Variants in LRRK2 observed in about 807,000 individuals in gnomAD.
LRRK2 encodes leucine-rich repeat serine/threonine-protein kinase 2.
In LRRK2, 203 loss-of-function variants were observed where a neutral mutation model predicts 302.6. That is an observed-to-expected ratio of 0.67 (90% confidence interval 0.60 to 0.75). The LOEUF (loss-of-function observed/expected upper bound fraction) is 0.75. LRRK2 is among the 30% of genes least tolerant of loss of function. The pLI is 0.00. For missense variants in LRRK2, 2,830 were observed against 2,951.0 expected (o/e 0.96, Z 0.95); for synonymous variants, 1,066 against 1,031.9 (o/e 1.03, Z -0.63).
chr12:40,241,830 A>T (rs1278474244), intron 6 of LRRK2, among the ~76,000 whole-genome samples: 1 of 152,130 alleles, frequency 6.6e-6, no homozygotes, highest in Non-Finnish European at 1.5e-5. Flanking sequence ...TTTTTTGGTG[A>T]TGTTTATAAA....
At chr12:40,231,602 A>G (rs892252059) in intron 2 of LRRK2, among the ~76,000 whole-genome samples, 6 of 148,722 alleles carry the variant, frequency 4.0e-5, no homozygotes, top group African/African-American at 1.5e-4. Context: ...ACAAGAAAAA[A>G]AAAGTACTAA....
At chr12:40,300,788 T>C (rs1317962830) in intron 25 of LRRK2, 1 of 471,016 alleles carries the variant, frequency 2.1e-6, no homozygotes, top group African/African-American at 2.0e-5. Context: ...TGTAATTTTA[T>C]ATTGTGGTGC....
chr12:40,297,530 T>C (rs1944428791), intron 23 of LRRK2, among the ~76,000 whole-genome samples: 1 of 152,176 alleles, frequency 6.6e-6, no homozygotes, highest in Non-Finnish European at 1.5e-5. Flanking sequence ...CTTCTGGGGC[T>C]AAGAGTGGTT....
chr12:40,244,765 G>A (rs1394418882), intron 7 of LRRK2, among the ~76,000 whole-genome samples: 1 of 149,822 alleles, frequency 6.7e-6, no homozygotes, highest in Non-Finnish European at 1.5e-5. Context: ...GATAGCATTG[G>A]GAGATATACC....
At chr12:40,284,261 A>T in intron 19 of LRRK2, 128 bp downstream of exon 19, 1 of 522,190 alleles carries the variant, frequency 1.9e-6, no homozygotes, top group Non-Finnish European at 3.1e-6. Context: ...AAAGGTTTGG[A>T]TTTTTTTTTT....
chr12:40,327,036 A>G (rs978711146), intron 38 of LRRK2, among the ~76,000 whole-genome samples: 2 of 152,232 alleles, frequency 1.3e-5, no homozygotes, highest in African/African-American at 4.8e-5. Context: ...GAAAATTACT[A>G]TATTTCCTTA....
At chr12:40,295,691 T>C in intron 23 of LRRK2, 47 bp downstream of exon 23, 2 of 1,543,148 alleles carry the variant, frequency 1.3e-6, no homozygotes, top group Non-Finnish European at 1.8e-6. Flanking sequence ...TGAAGAGCTT[T>C]TGTATTTATA....
intron 12 of LRRK2, among the ~76,000 whole-genome samples, chr12:40,258,075 G>A (rs897077049): frequency 2.6e-5 from 4 of 152,112 alleles, no homozygotes; most frequent in Admixed American, 6.6e-5. Flanking sequence ...AAAACTTCAC[G>A]TTCCTCATTG....
At chr12:40,293,102 G>A (rs1332458641) in intron 20 of LRRK2, among the ~76,000 whole-genome samples, 6 of 151,246 alleles carry the variant, frequency 4.0e-5, no homozygotes, top group Non-Finnish European at 4.4e-5. Flanking sequence ...CTATTCCAGC[G>A]GTCTCCATAA....
At chr12:40,253,724 A>G (rs904223973) in intron 11 of LRRK2, among the ~76,000 whole-genome samples, 2 of 152,132 alleles carry the variant, frequency 1.3e-5, no homozygotes, top group African/African-American at 2.4e-5. Context: ...GCTTGCCTGT[A>G]TTCTGTTTTA....
At chr12:40,289,527 A>G (rs970892948) in intron 20 of LRRK2, among the ~76,000 whole-genome samples, 1 of 149,000 alleles carries the variant, frequency 6.7e-6, no homozygotes, top group African/African-American at 2.4e-5. Context: ...GTAATCTATA[A>G]TATATAATTA....
intron 40 of LRRK2, among the ~76,000 whole-genome samples, chr12:40,339,875 A>G (rs1361844683): frequency 6.6e-6 from 1 of 152,236 alleles, no homozygotes; most frequent in Admixed American, 6.5e-5. Context: ...AATCAAAACT[A>G]TTAAATAAAT....
intron 20 of LRRK2, among the ~76,000 whole-genome samples, chr12:40,288,676 C>A (rs972436125): frequency 7.2e-5 from 11 of 151,742 alleles, no homozygotes; most frequent in African/African-American, 2.4e-4. Flanking sequence ...ATTTTCATTT[C>A]CCTGATGACT....
intron 18 of LRRK2, 69 bp from the exon 19 acceptor site, chr12:40,283,806 G>T (rs779672784): frequency 5.9e-6 from 8 of 1,367,248 alleles, no homozygotes; most frequent in Non-Finnish European, 8.1e-6. Flanking sequence ...CATGAAGTTT[G>T]ATTTGCCAGT....
At chr12:40,331,224 G>A (rs1945702671) in intron 39 of LRRK2, among the ~76,000 whole-genome samples, 1 of 152,136 alleles carries the variant, frequency 6.6e-6, no homozygotes, top group Non-Finnish European at 1.5e-5. Context: ...TAACTAGAAT[G>A]GGCATTCTTC....
At chr12:40,294,417 A>C (rs750121974) in intron 21 of LRRK2, among the ~76,000 whole-genome samples, 7 of 152,150 alleles carry the variant, frequency 4.6e-5, no homozygotes, top group South Asian at 4.1e-4. Context: ...GAGTACTAAA[A>C]ATATGAGGGT....
chr12:40,334,774 C>A (rs1945819114), intron 39 of LRRK2, among the ~76,000 whole-genome samples, 193 bp from the exon 40 acceptor site: 1 of 151,784 alleles, frequency 6.6e-6, no homozygotes, highest in Non-Finnish European at 1.5e-5. Flanking sequence ...GTCCATAGGT[C>A]AACTGTAGTT....
At chr12:40,343,358 T>C (rs973267510) in intron 41 of LRRK2, among the ~76,000 whole-genome samples, 1 of 152,236 alleles carries the variant, frequency 6.6e-6, no homozygotes, top group Admixed American at 6.5e-5. Flanking sequence ...TGCTGACTGA[T>C]GGCTTTAACA....
At chr12:40,317,760 G>C (rs1449689488) in intron 33 of LRRK2, among the ~76,000 whole-genome samples, 1 of 152,076 alleles carries the variant, frequency 6.6e-6, no homozygotes, top group African/African-American at 2.4e-5. Context: ...GAGGTTGAAG[G>C]AATGTTAGGA....
Sources: gnomAD v4.1 joint callset for allele counts (sites outside exome capture counted in the v4.1 genomes callset) on GRCh38, gnomAD v4.1.1 for gene constraint, MANE v1.5 for transcripts, NCBI Gene and HGNC (gene_info 2026-07-23, HGNC 2026-07-21) for gene names.